ACAP2: variants seen among roughly 807,000 people sequenced by gnomAD.
ACAP2 encodes arf-GAP with coiled-coil, ANK repeat and PH domain-containing protein 2.
In ACAP2, 39 loss-of-function variants were observed where a neutral mutation model predicts 115.8. The observed-to-expected ratio is 0.34, with a 90% CI of 0.26 to 0.44. The LOEUF is 0.44. ACAP2 is among the 20% of genes least tolerant of loss of function. The pLI, the probability that ACAP2 is intolerant of heterozygous loss-of-function variation, is 1.00. For missense variants in ACAP2, 662 were observed against 927.6 expected, an observed-to-expected ratio of 0.71 and a Z score of 3.72; for synonymous variants, 289 against 315.8, an observed-to-expected ratio of 0.92 and a Z score of 0.90.
intron 15 of ACAP2, among the ~76,000 whole-genome samples, chr3:195,298,283 T>G (rs1727790954): frequency 7.1e-6 from 1 of 140,626 alleles, no homozygotes; most frequent in Admixed American, 7.5e-5. Context: ...TGAGACAGAG[T>G]CTCACTCCAT....
intron 4 of ACAP2, among the ~76,000 whole-genome samples, chr3:195,358,719 A>C (rs888130397): frequency 1.3e-5 from 2 of 152,164 alleles, no homozygotes; most frequent in Non-Finnish European, 2.9e-5. Context: ...TGTAAGATCT[A>C]GAAAACGGCC....
At chr3:195,439,329 G>A (rs563492809) in intron 1 of ACAP2, among the ~76,000 whole-genome samples, 187 of 151,252 alleles carry the variant, frequency 1.2e-3, no homozygotes, top group Non-Finnish European at 2.1e-3. Flanking sequence ...ACAGATGCAC[G>A]CCACCATGCC....
chr3:195,411,217 T>C (rs1713233728), intron 1 of ACAP2, among the ~76,000 whole-genome samples: 1 of 152,204 alleles, frequency 6.6e-6, no homozygotes, highest in African/African-American at 2.4e-5. Context: ...TGGAAAGTAC[T>C]ATGGCAACAC....
chr3:195,407,564 G>A (rs369705226), intron 1 of ACAP2, among the ~76,000 whole-genome samples: 2 of 151,932 alleles, frequency 1.3e-5, no homozygotes, highest in Non-Finnish European at 2.9e-5. Flanking sequence ...AAAATTAGCC[G>A]GGCATGGTGG....
At chr3:195,289,432 T>C (rs543823713) in intron 20 of ACAP2, among the ~76,000 whole-genome samples, 27 of 152,286 alleles carry the variant, frequency 1.8e-4, no homozygotes, top group Non-Finnish European at 3.2e-4. Context: ...TATTTTTGCA[T>C]ACATTATCTT....
chr3:195,344,234 A>G (rs1731055186), intron 5 of ACAP2, among the ~76,000 whole-genome samples: 2 of 152,112 alleles, frequency 1.3e-5, no homozygotes, highest in African/African-American at 4.8e-5. Context: ...TAAAAAAGAA[A>G]AAAACAAAAG....
chr3:195,343,633 G>A (rs1486879727), intron 5 of ACAP2, among the ~76,000 whole-genome samples: 1 of 152,080 alleles, frequency 6.6e-6, no homozygotes, highest in African/African-American at 2.4e-5. Flanking sequence ...TTATTGCCCA[G>A]GCTGGAACAC....
intron 20 of ACAP2, 54 bp from the exon 21 acceptor site, chr3:195,289,285 T>A: frequency 7.9e-7 from 1 of 1,272,160 alleles, no homozygotes. Context: ...AAAAAATTAG[T>A]ATTCACCTTA....
intron 1 of ACAP2, among the ~76,000 whole-genome samples, chr3:195,439,753 A>G (rs1577489749): frequency 6.6e-6 from 1 of 151,852 alleles, no homozygotes; most frequent in Admixed American, 6.6e-5. Context: ...CAGTCTCCCA[A>G]GTAGCTGGGA....
chr3:195,370,752 C>A (rs1407361261), intron 4 of ACAP2, among the ~76,000 whole-genome samples: 1 of 152,070 alleles, frequency 6.6e-6, no homozygotes, highest in Non-Finnish European at 1.5e-5. Context: ...GAGTTCGAGA[C>A]CAGCCTGGGC....
At chr3:195,378,518 A>ACAG (rs1309191868) in intron 4 of ACAP2, among the ~76,000 whole-genome samples, 1 of 151,294 alleles carries the variant, frequency 6.6e-6, no homozygotes, top group African/African-American at 2.4e-5. Flanking sequence ...AAACAAACAA[A>ACAG]AAAAAACAAA....
At chr3:195,374,364 T>C (rs1016678923) in intron 4 of ACAP2, among the ~76,000 whole-genome samples, 1 of 152,200 alleles carries the variant, frequency 6.6e-6, no homozygotes, top group African/African-American at 2.4e-5. Flanking sequence ...CACTCCAGCC[T>C]GGGGGCTGAT....
chr3:195,300,892 C>T (rs1473028946), intron 15 of ACAP2, among the ~76,000 whole-genome samples: 3 of 152,010 alleles, frequency 2.0e-5, no homozygotes, highest in South Asian at 4.1e-4. Context: ...TGGCATGCAT[C>T]TGTGGTGTCA....
chr3:195,295,835 T>C lies in ACAP2; in HGVS notation c.1545A>G (p.Lys515=). The part of the protein sequence containing the change: ...AKYVERKFVD[K]YSISLSPPEQ... ...CAGGAGGTGATAATGATATAGAATA[T>C]TTATCCACAAATTTCCTCTCCACAT... Residue 515 remains lysine, a synonymous_variant, in exon 17 of 23, where the codon AAA becomes AAG. Coordinates refer to ENST00000326793, the MANE Select transcript of ACAP2 (RefSeq NM_012287.6). The C allele has an allele frequency of 1.9e-6, 3 of 1,613,912 alleles. No individual in the cohort carries two copies.
intron 4 of ACAP2, among the ~76,000 whole-genome samples, chr3:195,376,399 A>C (rs1733542966): frequency 6.6e-6 from 1 of 152,108 alleles, no homozygotes; most frequent in African/African-American, 2.4e-5. Context: ...AAAAAGATAT[A>C]TATATATTGT....
At chr3:195,411,379 C>T (rs1713248307) in intron 1 of ACAP2, among the ~76,000 whole-genome samples, 1 of 152,172 alleles carries the variant, frequency 6.6e-6, no homozygotes, top group Admixed American at 6.5e-5. Context: ...GAAAGCAATT[C>T]AAGTGTCCAC....
In ACAP2 at chr3:195,301,992, C is replaced by T. The variant is rs1728091854; in HGVS notation, c.1299G>A (p.Leu433=). ...GGTGAATTCCGGAGCACTCGATACA[C>T]AAGGTGATGCCCAGGTTGATGCTGG... is the stretch of plus-strand genomic sequence containing the variant. The part of the protein sequence containing the change: ...RWASINLGIT[L]CIECSGIHRS... The change falls in exon 14 of 23, where the codon TTG becomes TTA. Residue 433 remains leucine (L), a synonymous_variant. Coordinates refer to ENST00000326793, the MANE Select transcript of ACAP2 (RefSeq NM_012287.6). 1 of 1,613,572 alleles carries T rather than the reference C, an allele frequency of 6.2e-7. No homozygotes were observed. The highest frequency in any genetic ancestry group is 1.3e-5 in the African/African-American group (1 of 74,922).
intron 1 of ACAP2, among the ~76,000 whole-genome samples, chr3:195,426,853 G>A (rs1714721814): frequency 6.6e-6 from 1 of 152,154 alleles, no homozygotes; most frequent in Non-Finnish European, 1.5e-5. Flanking sequence ...GGGATGGGGT[G>A]AATATGTTTT....
intron 1 of ACAP2, among the ~76,000 whole-genome samples, chr3:195,424,277 ATATATATTTTTTTTT>A: frequency 1.2e-4 from 6 of 51,730 alleles, no homozygotes; most frequent in African/African-American, 4.2e-4. Context: ...ATATATATAT[ATATATATTTTTTTTT>A]TTTTTTTTTT....
Sources: gnomAD v4.1 joint callset for allele counts (sites outside exome capture counted in the v4.1 genomes callset) on GRCh38, gnomAD v4.1.1 for gene constraint, MANE v1.5 for transcripts, NCBI Gene and HGNC (gene_info 2026-07-23, HGNC 2026-07-21) for gene names.